ZNF536: variants seen among roughly 807,000 people sequenced by gnomAD.
ZNF536 encodes zinc finger protein 536.
Under a neutral mutation model 84.5 loss-of-function variants are expected in ZNF536, and 13 were observed. That is an observed-to-expected ratio of 0.15 (90% CI 0.10 to 0.24). ZNF536 has a LOEUF of 0.24. Among genes scored for constraint, ZNF536 ranks in the 10% least tolerant of loss-of-function variants. The pLI is 1.00. For synonymous variants in ZNF536, 811 were observed against 742.5 expected (o/e 1.09, Z -1.50); for missense variants, 1,536 against 1,747.5 (o/e 0.88, Z 2.16).
At chr19:30,559,420 G>A (rs955652014), downstream of ZNF536, among the ~76,000 whole-genome samples, 3 of 152,240 alleles carry the variant, frequency 2.0e-5, no homozygotes, top group African/African-American at 4.8e-5. Context: ...CCCCAGGAGA[G>A]GTTTTTCTTT....
chr19:30,528,833 C>A (rs756601755), intron 2 of ZNF536, among the ~76,000 whole-genome samples: 1 of 151,708 alleles, frequency 6.6e-6, no homozygotes, highest in Non-Finnish European at 1.5e-5. Context: ...ATTTGCCGTC[C>A]TTTTTACAGT....
intron 1 of ZNF536, among the ~76,000 whole-genome samples, chr19:30,232,956 G>T (rs189150996): frequency 1.3e-5 from 2 of 152,182 alleles, no homozygotes; most frequent in African/African-American, 4.8e-5. Context: ...TATGCGCTGG[G>T]CCTTGTCTTG....
At chr19:30,435,131 CTGATGATGATGG>C (rs2148026216) in intron 1 of ZNF536, among the ~76,000 whole-genome samples, 1 of 132,444 alleles carries the variant, frequency 7.6e-6, no homozygotes, top group South Asian at 2.5e-4. Flanking sequence ...GATGATGATG[CTGATGATGATGG>C]TGATTATGAT....
At chr19:30,673,124 C>T (rs140341436) in intron 1 of ZNF536, among the ~76,000 whole-genome samples, 127 of 152,222 alleles carry the variant, frequency 8.3e-4, no homozygotes, top group Middle Eastern at 3.4e-3. Context: ...ACATGAGAAT[C>T]GAGCCTCTCC....
At chr19:30,505,659 C>T (rs887945962) in intron 2 of ZNF536, among the ~76,000 whole-genome samples, 6 of 151,854 alleles carry the variant, frequency 4.0e-5, no homozygotes, top group Non-Finnish European at 7.4e-5. Context: ...TTTTTGAAAA[C>T]GATAGCATAA....
At chr19:30,683,519 C>G (rs2051056910) in intron 1 of ZNF536, among the ~76,000 whole-genome samples, 1 of 151,654 alleles carries the variant, frequency 6.6e-6, no homozygotes. Context: ...GCCAGCCCAC[C>G]TCATCTGGGA....
intron 1 of ZNF536, among the ~76,000 whole-genome samples, chr19:30,644,131 C>G (rs1353785270): frequency 6.6e-6 from 1 of 152,136 alleles, no homozygotes; most frequent in Non-Finnish European, 1.5e-5. Context: ...AAGTGCTTGT[C>G]CACTTCAGTT....
At chr19:30,613,222 T>C (rs1444541289) in intron 1 of ZNF536, among the ~76,000 whole-genome samples, 1 of 152,178 alleles carries the variant, frequency 6.6e-6, no homozygotes, top group Non-Finnish European at 1.5e-5. Flanking sequence ...TGTCAATTTT[T>C]TTATGTTTAT....
chr19:30,615,908 A>C (rs1430183568), intron 1 of ZNF536, among the ~76,000 whole-genome samples: 1 of 151,124 alleles, frequency 6.6e-6, no homozygotes, highest in African/African-American at 2.4e-5. Context: ...CTGCCTCTCT[A>C]TCTCTCTGTC....
At chr19:30,696,199 GT>G (rs2051649972) in intron 1 of ZNF536, among the ~76,000 whole-genome samples, 1 of 152,144 alleles carries the variant, frequency 6.6e-6, no homozygotes, top group Non-Finnish European at 1.5e-5. Context: ...TTTGAAGCCG[GT>G]TTAATAAGCA....
At chr19:30,430,392 G>A (rs576565804) in intron 1 of ZNF536, among the ~76,000 whole-genome samples, 46 of 152,272 alleles carry the variant, frequency 3.0e-4, no homozygotes, top group African/African-American at 9.9e-4. Context: ...GTGCTGGGGG[G>A]GACCCTGGTG....
At chr19:30,242,833 A>G (rs1240975369) in intron 1 of ZNF536, among the ~76,000 whole-genome samples, 1 of 152,134 alleles carries the variant, frequency 6.6e-6, no homozygotes, top group Non-Finnish European at 1.5e-5. Context: ...TTAACTTTTT[A>G]ATTTTATTCT....
chr19:30,596,050 A>G (rs1038947897), intron 1 of ZNF536, among the ~76,000 whole-genome samples: 8 of 152,180 alleles, frequency 5.3e-5, no homozygotes, highest in Admixed American at 3.9e-4. Context: ...GCTTTCTGTG[A>G]CCATGGGCTA....
At chr19:30,284,005 G>A (rs1335867336) in intron 1 of ZNF536, 1 of 152,214 alleles carries the variant, frequency 6.6e-6, no homozygotes, top group East Asian at 1.9e-4. Context: ...GATGAATGCT[G>A]TTTATGTGAC....
chr19:30,530,331 TTTGTTG>T (rs140017176), intron 2 of ZNF536, among the ~76,000 whole-genome samples: 33 of 151,416 alleles, frequency 2.2e-4, no homozygotes, highest in East Asian at 5.8e-4. Flanking sequence ...TCTCTGTCTT[TTTGTTG>T]TTGTTGTTGT....
chr19:30,635,067 G>GGT (rs10693532), intron 1 of ZNF536, among the ~76,000 whole-genome samples: 76,029 of 150,158 alleles, frequency 0.51, 19,382 homozygotes, highest in Admixed American at 0.6. Context: ...AAGAAAGCTG[G>GGT]GTGTGTGTGT....
intron 1 of ZNF536, chr19:30,436,409 A>C: frequency 2.7e-6 from 2 of 739,600 alleles, no homozygotes; most frequent in Non-Finnish European, 3.3e-6. Context: ...TGCCCACCCC[A>C]GTAATGTTTG....
At chr19:30,672,758 G>GT (rs1461348048) in intron 1 of ZNF536, among the ~76,000 whole-genome samples, 1 of 152,200 alleles carries the variant, frequency 6.6e-6, no homozygotes, top group Non-Finnish European at 1.5e-5. Flanking sequence ...GGCACAGGCA[G>GT]TTTTTTGGGA....
intron 4 of ZNF536, chr19:30,555,374 G>A (rs553415868): frequency 3.3e-5 from 5 of 152,260 alleles, no homozygotes; most frequent in South Asian, 2.1e-4. Flanking sequence ...CCTTAAGCAC[G>A]GCAGGCATCA....
Sources: gnomAD v4.1 joint callset for allele counts (sites outside exome capture counted in the v4.1 genomes callset) on GRCh38, gnomAD v4.1.1 for gene constraint, MANE v1.5 for transcripts, NCBI Gene and HGNC (gene_info 2026-07-23, HGNC 2026-07-21) for gene names.